SEMA6D: variants seen among roughly 807,000 people sequenced by gnomAD.
SEMA6D encodes semaphorin 6D.
SEMA6D carries 35 observed loss-of-function variants against 106.6 expected under a neutral mutation model. That is an observed-to-expected ratio of 0.33 (90% CI 0.25 to 0.44). The LOEUF is 0.44. SEMA6D is among the 20% of genes least tolerant of loss of function. The probability of loss-of-function intolerance (pLI) is 1.00; values close to 1 mark genes in which losing one functional copy is unlikely to be tolerated. For missense variants in SEMA6D, 1,185 were observed against 1,345.9 expected (o/e 0.88, Z 1.87); for synonymous variants, 499 against 487.7 (o/e 1.02, Z -0.31).
intron 1 of SEMA6D, among the ~76,000 whole-genome samples, chr15:47,255,750 A>G (rs964975717): frequency 2.0e-5 from 3 of 152,156 alleles, no homozygotes; most frequent in Non-Finnish European, 4.4e-5. Context: ...AGTGTAAAGT[A>G]TAAAAATGCT....
At chr15:47,559,951 T>C (rs1256876316) in intron 3 of SEMA6D, among the ~76,000 whole-genome samples, 1 of 151,942 alleles carries the variant, frequency 6.6e-6, no homozygotes, top group Non-Finnish European at 1.5e-5. Context: ...ACAGAGATGA[T>C]CCCTAGGAAG....
intron 2 of SEMA6D, among the ~76,000 whole-genome samples, chr15:47,422,298 C>T (rs1468590984): frequency 1.3e-5 from 2 of 150,522 alleles, no homozygotes; most frequent in Non-Finnish European, 3.0e-5. Context: ...AAAACCAAAC[C>T]TAGTAATCAT....
intron 4 of SEMA6D, among the ~76,000 whole-genome samples, chr15:47,660,159 T>A (rs1419913044): frequency 6.6e-6 from 1 of 150,988 alleles, no homozygotes; most frequent in East Asian, 1.9e-4. Context: ...AGTGTCTGCC[T>A]TAGATATGTA....
chr15:47,261,554 A>C (rs1452471570), intron 1 of SEMA6D, among the ~76,000 whole-genome samples: 1 of 152,100 alleles, frequency 6.6e-6, no homozygotes, highest in Non-Finnish European at 1.5e-5. Flanking sequence ...TAAAGTGTAT[A>C]ATTTAATAAT....
At chr15:47,456,615 C>T (rs1001400600) in intron 2 of SEMA6D, among the ~76,000 whole-genome samples, 12 of 151,932 alleles carry the variant, frequency 7.9e-5, no homozygotes, top group African/African-American at 2.9e-4. Flanking sequence ...TGTGCACTCA[C>T]CTTAAACAAG....
At chr15:47,656,709 A>G (rs1412554738) in intron 4 of SEMA6D, among the ~76,000 whole-genome samples, 1 of 152,192 alleles carries the variant, frequency 6.6e-6, no homozygotes, top group Non-Finnish European at 1.5e-5. Flanking sequence ...TTATCTCAGC[A>G]TCAAATGCAG....
At chr15:47,574,495 G>T (rs2076122132) in intron 3 of SEMA6D, among the ~76,000 whole-genome samples, 1 of 152,008 alleles carries the variant, frequency 6.6e-6, no homozygotes, top group Non-Finnish European at 1.5e-5. Flanking sequence ...CACCCCAAAA[G>T]GGAAGCAAAT....
At chr15:47,301,636 C>G (rs2036023916) in intron 1 of SEMA6D, among the ~76,000 whole-genome samples, 1 of 152,240 alleles carries the variant, frequency 6.6e-6, no homozygotes, top group African/African-American at 2.4e-5. Context: ...AGCAGGAGCT[C>G]TGGCTGCTGG....
intron 1 of SEMA6D, among the ~76,000 whole-genome samples, chr15:47,241,971 A>G (rs1244559807): frequency 6.6e-6 from 1 of 152,120 alleles, no homozygotes; most frequent in Non-Finnish European, 1.5e-5. Context: ...CTTTGTGTAA[A>G]GGAAGGAACC....
rs76537201 is a variant in SEMA6D, at chr15:47,458,371, G to C, written c.-158-12103G>C. On this transcript the variant is annotated intron_variant, in intron 2 of 19. Transcript: ENST00000558014. ...TGTTATCAACTAATTTAACCTAATT[G>C]ACATTATGGAAGACTTTCTCCAATA... is the stretch of plus-strand genomic sequence containing the variant. Among the ~76,000 whole-genome samples, 986 of 151,884 alleles carry C rather than the reference G, an allele frequency of 6.5e-3. 14 individuals carry two copies. The South Asian group carries it at 0.073, about 11-fold the overall frequency.
In SEMA6D at chr15:47,339,899, A is replaced by G. The variant is rs2037740747; in HGVS notation, c.-238-72494A>G. Among the ~76,000 whole-genome samples, 3 of 151,828 alleles carry G rather than the reference A, an allele frequency of 2.0e-5. No homozygotes were observed. In the South Asian group the frequency reaches 6.2e-4, roughly 32 times the overall value. ...AGGAAAGAGAGAGAGAAAGAAAAAG[A>G]GAAAGAGAGAGGAAGAAAACAACAA... On this transcript the variant is annotated intron_variant, in intron 1 of 19. Coordinates refer to the SEMA6D transcript ENST00000558014.
chr15:47,746,984 G>GTGTATATA lies in SEMA6D; in HGVS notation c.-54-12760_-54-12759insGTATATAT, dbSNP rs1401767590. On this transcript the variant is annotated intron_variant, in intron 1 of 18. Transcript: ENST00000536845. Reference sequence around the variant, plus strand: ...ACAGTCTCCTGCTGTGTGTGTGTGTGTATATATATATATATATATTTCGAT... The same window carrying GTGTATATA: ...ACAGTCTCCTGCTGTGTGTGTGTGTGTGTATATATATATATATATATATATATTTCGAT... Among the ~76,000 whole-genome samples, 231 of 122,108 alleles carry GTGTATATA rather than the reference G, an allele frequency of 1.9e-3. 2 individuals carry two copies. The highest frequency in any genetic ancestry group is 6.0e-3 in the African/African-American group (225 of 37,538). The allele number at this position is 122,108 out of a possible 152,430, so 80.1% of individuals were successfully genotyped here.
intron 4 of SEMA6D, among the ~76,000 whole-genome samples, chr15:47,672,951 G>C (rs2078166807): frequency 6.6e-6 from 1 of 152,142 alleles, no homozygotes; most frequent in Non-Finnish European, 1.5e-5. Flanking sequence ...TTTCAAATGG[G>C]ATTTTTATTG....
chr15:47,665,846 C>T (rs1476341840), intron 4 of SEMA6D, among the ~76,000 whole-genome samples: 3 of 152,164 alleles, frequency 2.0e-5, no homozygotes, highest in Non-Finnish European at 2.9e-5. Context: ...CTCATAGTGA[C>T]TGGCCTAAAA....
intron 4 of SEMA6D, among the ~76,000 whole-genome samples, chr15:47,700,373 T>C (rs931329284): frequency 6.6e-6 from 1 of 151,970 alleles, no homozygotes; most frequent in Non-Finnish European, 1.5e-5. Context: ...AAAATATTTT[T>C]TAAAAAACAA....
intron 1 of SEMA6D, chr15:47,730,252 G>A (rs188539770): frequency 1.3e-5 from 20 of 1,538,738 alleles, no homozygotes; most frequent in Middle Eastern, 2.3e-4. Flanking sequence ...GGATCTCATC[G>A]TATCTGTCGT....
chr15:47,188,925 A>G (rs902205866), intron 1 of SEMA6D, among the ~76,000 whole-genome samples: 9 of 152,184 alleles, frequency 5.9e-5, no homozygotes, highest in Non-Finnish European at 1.2e-4. Context: ...GTAAGTCAAC[A>G]TGTGCATACA....
At chr15:47,524,557 G>A (rs190585244) in intron 3 of SEMA6D, among the ~76,000 whole-genome samples, 1 of 152,290 alleles carries the variant, frequency 6.6e-6, no homozygotes. Flanking sequence ...TAGACAAATA[G>A]AAAGCTTGCT....
intron 1 of SEMA6D, among the ~76,000 whole-genome samples, chr15:47,366,137 A>G (rs762065866): frequency 1.2e-4 from 18 of 152,164 alleles, no homozygotes; most frequent in Non-Finnish European, 2.2e-4. Context: ...CAAATTCAAA[A>G]TTGTGTCACT....
Sources: allele counts gnomAD v4.1 joint callset (sites outside exome capture counted in the v4.1 genomes callset), GRCh38; gene constraint gnomAD v4.1.1; transcripts MANE v1.5; gene names NCBI Gene and HGNC (gene_info 2026-07-23, HGNC 2026-07-21).